Variants in DNAH8 observed in about 807,000 individuals in gnomAD.
DNAH8 encodes dynein axonemal heavy chain 8, also known as axonemal beta dynein heavy chain 8.
In DNAH8, 382 loss-of-function variants were observed where a neutral mutation model predicts 562.1. The ratio of observed to expected loss-of-function variants is 0.68; its 90% CI spans 0.63 to 0.74. The LOEUF (loss-of-function observed/expected upper bound fraction) is 0.74. Ranked by LOEUF, DNAH8 falls within the 30% of genes least tolerant of loss-of-function variation. The probability of loss-of-function intolerance (pLI) is 0.00; values close to 1 mark genes in which losing one functional copy is unlikely to be tolerated. For synonymous variants in DNAH8, 1,881 were observed against 1,919.4 expected (o/e 0.98, Z 0.52); for missense variants, 5,203 against 5,620.4 (o/e 0.93, Z 2.37).
intron 49 of DNAH8, among the ~76,000 whole-genome samples, chr6:38,871,471 T>C (rs142107904): frequency 1.3e-5 from 2 of 152,252 alleles, no homozygotes; most frequent in African/African-American, 4.8e-5. Flanking sequence ...GAATTTTGGG[T>C]TCTTTGTTGA....
At chr6:38,979,037 G>A (rs545464660) in intron 85 of DNAH8, among the ~76,000 whole-genome samples, 2 of 152,346 alleles carry the variant, frequency 1.3e-5, no homozygotes, top group East Asian at 3.9e-4. Flanking sequence ...CTACTCACCA[G>A]AACTAGCCCG....
intron 3 of DNAH8, among the ~76,000 whole-genome samples, chr6:38,726,468 G>A (rs865827635): frequency 6.6e-6 from 1 of 152,186 alleles, no homozygotes; most frequent in African/African-American, 2.4e-5. Flanking sequence ...TATTCCTGGG[G>A]TATGTCTCAG....
At chr6:38,841,778 T>TA (rs1774820388) in intron 33 of DNAH8, among the ~76,000 whole-genome samples, 1 of 151,964 alleles carries the variant, frequency 6.6e-6, no homozygotes, top group Admixed American at 6.6e-5. Context: ...AGTGCAGTGG[T>TA]GCAATCATAG....
intron 32 of DNAH8, among the ~76,000 whole-genome samples, chr6:38,835,603 GAA>G (rs1407020540): frequency 6.6e-6 from 1 of 152,160 alleles, no homozygotes; most frequent in African/African-American, 2.4e-5. Flanking sequence ...AGGGGAAAAA[GAA>G]AGTTAGGCAG....
intron 71 of DNAH8, 24 bp downstream of exon 71, chr6:38,921,530 C>T: frequency 6.2e-7 from 1 of 1,604,734 alleles, no homozygotes; most frequent in Non-Finnish European, 8.5e-7. Context: ...TAAAAAATCC[C>T]CAAAATGGTG....
At chr6:38,723,313 T>C in intron 2 of DNAH8, 24 bp from the exon 3 acceptor site, 6 of 1,583,668 alleles carry the variant, frequency 3.8e-6, no homozygotes, top group Non-Finnish European at 5.1e-6. Context: ...ATTGCAATTT[T>C]TGAACTTGGT....
rs933119669 is a variant in DNAH8, at chr6:38,944,418, C to T, written c.12008-1049C>T. ...TGGGGAGAGCAAAGACCTGTAGTTC[C>T]CCCAAGCCCCTTTTTGGTCCATGAG... is the stretch of plus-strand genomic sequence containing the variant. On this transcript the variant is annotated intron_variant, in intron 79 of 92. Transcript: ENST00000327475. 9.9e-5 allele frequency among the ~76,000 whole-genome samples: 15 copies of T among 152,108 alleles called. 1 individual carries two copies. The highest frequency in any genetic ancestry group is 6.5e-5 in the Admixed American group (1 of 15,278).
In DNAH8 at chr6:39,008,880, A is replaced by G; in HGVS notation, c.13281A>G (p.Gly4427=). ...CCAACATTCAACCCAAAGAGAGTGG[A>G]GGTGGTGTGGGAGAGACCCGGGAGG... is the stretch of plus-strand genomic sequence containing the variant. ...TITNIQPKES[G]GGVGETREAI... Residue 4427 remains glycine, a synonymous_variant, in exon 89 of 93, where the codon GGA becomes GGG. Coordinates refer to ENST00000327475, the MANE Select transcript of DNAH8 (RefSeq NM_001206927.2). 1.2e-6 allele frequency: 2 copies of G among 1,606,310 alleles called. No homozygotes were observed. The highest frequency in any genetic ancestry group is 1.7e-6 in the Non-Finnish European group (2 of 1,173,042).
chr6:38,945,993 T>C (rs1323967499), intron 80 of DNAH8, among the ~76,000 whole-genome samples: 2 of 152,172 alleles, frequency 1.3e-5, no homozygotes, highest in Non-Finnish European at 2.9e-5. Flanking sequence ...AATTAATTAT[T>C]TTAGTGGTGA....
At chr6:38,863,619 T>C (rs1383427774) in intron 44 of DNAH8, among the ~76,000 whole-genome samples, 1 of 152,210 alleles carries the variant, frequency 6.6e-6, no homozygotes, top group African/African-American at 2.4e-5. Flanking sequence ...CTGTTGGTTC[T>C]ACTTTCAAAA....
intron 53 of DNAH8, among the ~76,000 whole-genome samples, chr6:38,879,019 C>T (rs1778246711): frequency 6.6e-6 from 1 of 151,864 alleles, no homozygotes; most frequent in African/African-American, 2.4e-5. Context: ...TGTCAATTTA[C>T]AATAAAATTT....
At chr6:38,930,468 T>C (rs1394781843) in intron 75 of DNAH8, among the ~76,000 whole-genome samples, 2 of 152,184 alleles carry the variant, frequency 1.3e-5, no homozygotes, top group East Asian at 3.8e-4. Context: ...TGAAAATCTT[T>C]TATATGCCGC....
intron 49 of DNAH8, among the ~76,000 whole-genome samples, chr6:38,872,218 A>G (rs935461192): frequency 1.3e-5 from 2 of 152,184 alleles, no homozygotes; most frequent in Admixed American, 6.5e-5. Flanking sequence ...TTGCGCATGG[A>G]ACAACTGCTG....
At chr6:38,744,292 G>A (rs1170440647) in intron 8 of DNAH8, 1 of 152,116 alleles carries the variant, frequency 6.6e-6, no homozygotes, top group Non-Finnish European at 1.5e-5. Context: ...CAGAAACAGA[G>A]CAGATCAAAA....
chr6:38,856,444 G>A (rs1325298671), intron 41 of DNAH8, among the ~76,000 whole-genome samples: 1 of 151,938 alleles, frequency 6.6e-6, no homozygotes, highest in African/African-American at 2.4e-5. Flanking sequence ...TGGCTTTTGG[G>A]GTCTGCTGGT....
intron 31 of DNAH8, among the ~76,000 whole-genome samples, chr6:38,832,838 G>T (rs1445807915): frequency 1.3e-5 from 2 of 152,002 alleles, no homozygotes; most frequent in East Asian, 3.9e-4. Context: ...TATAGAGAAA[G>T]AAAACAGATT....
intron 81 of DNAH8, 41 bp from the exon 82 acceptor site, chr6:38,951,277 A>G (rs1213341953): frequency 6.4e-7 from 1 of 1,553,700 alleles, no homozygotes; most frequent in Non-Finnish European, 8.9e-7. Context: ...TAAAAATTGA[A>G]CACGTTTAGT....
intron 1 of DNAH8, among the ~76,000 whole-genome samples, chr6:38,719,289 A>G (rs1169057187): frequency 6.6e-6 from 1 of 152,140 alleles, no homozygotes. Context: ...ACAAAGGTTT[A>G]TTGCATGATG....
At chr6:39,019,243 C>T (rs189014158) in intron 91 of DNAH8, among the ~76,000 whole-genome samples, 32 of 152,008 alleles carry the variant, frequency 2.1e-4, no homozygotes, top group South Asian at 8.3e-4. Context: ...TCCAGGCAGG[C>T]GGCACCTCGC....
Sources: allele counts gnomAD v4.1 joint callset (sites outside exome capture counted in the v4.1 genomes callset), GRCh38; gene constraint gnomAD v4.1.1; transcripts MANE v1.5; gene names NCBI Gene and HGNC (gene_info 2026-07-23, HGNC 2026-07-21).